The following TRPV5 variants were observed in gnomAD, a reference collection of about 807,000 sequenced individuals.
TRPV5 encodes the protein transient receptor potential cation channel subfamily V member 5.
In TRPV5, 66 loss-of-function variants were observed where a neutral mutation model predicts 74.1. The ratio of observed to expected loss-of-function variants is 0.89; its 90% CI spans 0.73 to 1.09. The LOEUF is 1.09. Ranked by LOEUF, TRPV5 falls within the 50% of genes least tolerant of loss-of-function variation. The probability of loss-of-function intolerance (pLI) is 0.00; values close to 1 mark genes in which losing one functional copy is unlikely to be tolerated. For synonymous variants in TRPV5, 399 were observed against 360.7 expected (o/e 1.11, Z -1.20); for missense variants, 936 against 930.4 (o/e 1.01, Z -0.08).
At chr7:142,933,234 TA>T in intron 1 of TRPV5, 97 bp downstream of exon 1, 1 of 1,476,950 alleles carries the variant, frequency 6.8e-7, no homozygotes, top group Non-Finnish European at 9.2e-7. Context: ...GCACTGACAA[TA>T]CACTTCTAGG....
Position 142,909,497 on chromosome 7 carries a change from A to C in TRPV5, c.1888T>G (p.Phe630Val). The change falls in exon 14 of 15, where the codon TTC becomes GTC. Residue 630 changes from phenylalanine (F) to valine (V), a missense_variant. Transcript: ENST00000265310. ...GCEFGLGDRW[F>V]LRVENHNDQN... ...GTGCACACCATCACTCACCGCAGGAACCAGCGGTCCCCCAGCCCGAATTCG... is the reference window on the plus strand; with the variant it reads ...GTGCACACCATCACTCACCGCAGGACCCAGCGGTCCCCCAGCCCGAATTCG... 1 of 1,613,928 alleles carries C rather than the reference A, an allele frequency of 6.2e-7. No homozygotes were observed. The highest frequency in any genetic ancestry group is 2.2e-5 in the East Asian group (1 of 44,878).
chr7:142,928,336 C>T (rs1027054033), intron 6 of TRPV5, 102 bp from the exon 7 acceptor site: 1 of 1,273,174 alleles, frequency 7.9e-7, no homozygotes, highest in Admixed American at 1.8e-5. Flanking sequence ...TTGAGACAGA[C>T]AGACAGTGGG....
intron 12 of TRPV5, among the ~76,000 whole-genome samples, chr7:142,913,134 T>C (rs1795730894): frequency 6.6e-6 from 1 of 152,232 alleles, no homozygotes; most frequent in Non-Finnish European, 1.5e-5. Flanking sequence ...CAAGAATGTA[T>C]GGAATCCTCA....
At position 142,929,464 on chromosome 7, in the gene TRPV5, C is replaced by T. The variant is rs752113272; in HGVS notation, c.451G>A (p.Ala151Thr). The T allele has an allele frequency of 6.2e-7, 1 of 1,614,166 alleles. No homozygotes were observed. The highest frequency in any genetic ancestry group is 2.2e-5 in the East Asian group (1 of 44,860). ...AGGTTGCGGGGACTATGGCGGAAGG[C>T]AGTGCCTGTGGCTCTGGCAGAGACA... is the stretch of plus-strand genomic sequence containing the variant. ...ASVSARATGT[A>T]FRHSPRNLIY... is the part of the protein sequence containing the mutation. The change falls in exon 4 of 15, where the codon GCC becomes ACC. Residue 151 changes from alanine to threonine, a missense_variant. Coordinates refer to ENST00000265310, the MANE Select transcript of TRPV5 (RefSeq NM_019841.7).
chr7:142,911,335 T>A (rs1795700955), intron 13 of TRPV5, among the ~76,000 whole-genome samples: 1 of 152,212 alleles, frequency 6.6e-6, no homozygotes, highest in Non-Finnish European at 1.5e-5. Flanking sequence ...GACTAACACA[T>A]CCTCTTCCCC....
Position 142,929,053 on chromosome 7 carries a change from A to G in TRPV5, c.555T>C (p.His185=), listed in dbSNP as rs987844385. 6.2e-7 allele frequency: 1 copy of G among 1,613,954 alleles called. No individual in the cohort carries two copies. The highest frequency in any genetic ancestry group is 8.5e-7 in the Non-Finnish European group (1 of 1,179,974). Residue 185 remains histidine (H), a synonymous_variant, in exon 5 of 15, where the codon CAT becomes CAC. Transcript: ENST00000265310. ...SEEIVRLLIE[H]GADIRAQDSL... is the part of the protein sequence containing the mutation. Reference sequence around the variant, plus strand: ...AGTCCTGGGCCCTGATGTCAGCTCCATGCTCAATGAGCAGCCGCACGATCT... The same window carrying G: ...AGTCCTGGGCCCTGATGTCAGCTCCGTGCTCAATGAGCAGCCGCACGATCT...
intron 7 of TRPV5, among the ~76,000 whole-genome samples, chr7:142,926,398 G>T (rs749786178): frequency 4.6e-5 from 7 of 152,096 alleles, no homozygotes; most frequent in Non-Finnish European, 5.9e-5. Context: ...GATGATGGAC[G>T]GGAGGAGGCA....
At chr7:142,909,675 G>A (rs893752893) in intron 13 of TRPV5, 79 bp from the exon 14 acceptor site, 8 of 1,460,302 alleles carry the variant, frequency 5.5e-6, no homozygotes, top group East Asian at 2.4e-5. Flanking sequence ...ACTGATAAAG[G>A]GAACCAAAGG....
At position 142,925,530 on chromosome 7, in the gene TRPV5, T is replaced by A. The variant is rs755687947; in HGVS notation, c.1121A>T (p.Gln374Leu). Residue 374 changes from glutamine (Q) to leucine (L), a missense_variant and splice_region_variant, in exon 8 of 15, where the codon CAG becomes CTG. Transcript: ENST00000265310. ...TCATCCCCTTCTGAGGAGAATCACC[T>A]GTAGTAGTTTTTGCTGGAGGATGGT... Reference protein sequence around the residue: ...DITILQQKLLQEAYETREDII... With the variant: ...DITILQQKLLLEAYETREDII... 1.2e-6 allele frequency: 2 copies of A among 1,614,090 alleles called. No individual in the cohort carries two copies. Among genetic ancestry groups the A allele is most frequent in the Non-Finnish European group, 1.7e-6 (2 of 1,179,984 alleles).
chr7:142,933,601 T>G lies in TRPV5; in HGVS notation c.-142A>C. 2 of 1,171,538 alleles carry G rather than the reference T, an allele frequency of 1.7e-6. No individual in the cohort carries two copies. The highest frequency in any genetic ancestry group is 2.4e-5 in the East Asian group (1 of 42,170). The allele number at this position is 1,171,538 out of a possible 1,614,324, so 72.6% of individuals were successfully genotyped here. A position where few individuals can be genotyped will look rare whatever the true frequency, so the allele number is the denominator to read the frequency against. On this transcript the variant is annotated 5_prime_UTR_variant, in exon 1 of 15. An upstream start codon of the reference 5' UTR is lost. Transcript: ENST00000265310. ...TCCTGTATGACTTGTGTATGCAGCA[T>G]GCAGCTTGTAGGTGTGTGTGTGTGC...
chr7:142,921,688 C>A (rs930495910), intron 8 of TRPV5, among the ~76,000 whole-genome samples: 5 of 152,128 alleles, frequency 3.3e-5, no homozygotes, highest in African/African-American at 9.7e-5. Flanking sequence ...AGTAATTTTT[C>A]TAAAACAAAA....
chr7:142,924,487 C>T (rs1795952296), intron 8 of TRPV5, among the ~76,000 whole-genome samples: 2 of 150,930 alleles, frequency 1.3e-5, no homozygotes, highest in South Asian at 2.1e-4. Context: ...TTGCCCTGTT[C>T]TTTCTCTGTG....
rs1187315243 is a variant in TRPV5, at chr7:142,929,436, A to C, written c.479T>G (p.Ile160Ser). 6.2e-7 allele frequency: 1 copy of C among 1,613,998 alleles called. No homozygotes were observed. The highest frequency in any genetic ancestry group is 2.2e-5 in the East Asian group (1 of 44,854). ...CCCAACCCTGCTCTCACCAAAGTAG[A>C]TGAGGTTGCGGGGACTATGGCGGAA... ...TAFRHSPRNL[I>S]YFGEHPLSFA... is the part of the protein sequence containing the mutation. The change falls in exon 4 of 15, where the codon ATC becomes AGC. Residue 160 changes from isoleucine to serine, a missense_variant. Physicochemically the swap from Ile to Ser is moderately radical, Grantham distance 142. Transcript: ENST00000265310.
chr7:142,912,735 A>G lies in TRPV5; in HGVS notation c.1535T>C (p.Phe512Ser). The G allele has an allele frequency of 6.2e-7, 1 of 1,614,074 alleles. No homozygotes were observed. The highest frequency in any genetic ancestry group is 8.5e-7 in the Non-Finnish European group (1 of 1,179,898). Residue 512 changes from phenylalanine to serine, a missense_variant, in exon 13 of 15, where the codon TTC becomes TCC. Coordinates refer to ENST00000265310, the MANE Select transcript of TRPV5 (RefSeq NM_019841.7). ...CAGACTGGTTGGGTCCTCTGTCTGG[A>G]AAATGATATAGAACGCTGCTCCGCC... is the stretch of plus-strand genomic sequence containing the variant. ...LGFASAFYII[F>S]QTEDPTSLGQ... is the part of the protein sequence containing the mutation.
Position 142,908,345 on chromosome 7 carries a change from C to T in TRPV5, c.*169G>A. The T allele has an allele frequency of 1.4e-6, 1 of 740,434 alleles. No individual in the cohort carries two copies. Among genetic ancestry groups the T allele is most frequent in the Non-Finnish European group, 2.2e-6 (1 of 456,522 alleles). The allele number at this position is 740,434 out of a possible 1,614,324, so 45.9% of individuals were successfully genotyped here. ...ACAATCGATGACCATTGCCCATTGC[C>T]AGAAATTCTGATGTGAAGTGTGAGG... On this transcript the variant is annotated 3_prime_UTR_variant, in exon 15 of 15. Coordinates refer to ENST00000265310, the MANE Select transcript of TRPV5 (RefSeq NM_019841.7).
chr7:142,908,590 C>A lies in TRPV5; in HGVS notation c.2114G>T (p.Arg705Leu). 1 of 1,614,192 alleles carries A rather than the reference C, an allele frequency of 6.2e-7. No homozygotes were observed. The highest frequency in any genetic ancestry group is 1.1e-5 in the South Asian group (1 of 91,082). Residue 705 changes from arginine (R) to leucine (L), a missense_variant, in exon 15 of 15, where the codon CGT becomes CTT. By Grantham distance (102) the Arg-to-Leu change is moderately radical (BLOSUM62 -2). Coordinates refer to ENST00000265310, the MANE Select transcript of TRPV5 (RefSeq NM_019841.7). Reference protein sequence around the residue: ...SSSHRGWEILRQNTLGHLNLG... With the variant: ...SSSHRGWEILLQNTLGHLNLG... ...ATTCAAGTGCCCCAGGGTGTTTTGA[C>A]GAAGGATCTCCCAGCCTCGGTGACT...
At chr7:142,914,565 T>C in intron 12 of TRPV5, 75 bp downstream of exon 12, 1 of 1,259,972 alleles carries the variant, frequency 7.9e-7, no homozygotes, top group Non-Finnish European at 1.1e-6. Context: ...AAATGAGAAC[T>C]GAGAGCAAGA....
At chr7:142,911,742 G>C (rs932307064) in intron 13 of TRPV5, among the ~76,000 whole-genome samples, 3 of 152,166 alleles carry the variant, frequency 2.0e-5, no homozygotes, top group African/African-American at 7.2e-5. Context: ...GGGTCTAAAT[G>C]ATCATCATTA....
intron 1 of TRPV5, among the ~76,000 whole-genome samples, chr7:142,932,142 C>G (rs1046964845): frequency 2.0e-5 from 3 of 152,238 alleles, no homozygotes; most frequent in African/African-American, 7.2e-5. Context: ...TCCCAGGGAG[C>G]CTGGTGTCCC....
Sources: gnomAD v4.1 joint callset for allele counts (sites outside exome capture counted in the v4.1 genomes callset) on GRCh38, gnomAD v4.1.1 for gene constraint, MANE v1.5 for transcripts, NCBI Gene and HGNC (gene_info 2026-07-23, HGNC 2026-07-21) for gene names.